NUDT16: variants seen among roughly 807,000 people sequenced by gnomAD.
The protein encoded by NUDT16 is U8 snoRNA-decapping enzyme.
In NUDT16, 12 loss-of-function variants were observed where a neutral mutation model predicts 11.7. That is an observed-to-expected ratio of 1.03 (90% confidence interval 0.66 to 1.67). The LOEUF is 1.67. Ranked by LOEUF, NUDT16 falls within the 40% of genes most tolerant of loss-of-function variation. The pLI is 0.00. For missense variants in NUDT16, 303 were observed against 268.9 expected (o/e 1.13, Z -0.89); for synonymous variants, 129 against 122.6 (o/e 1.05, Z -0.35).
chr3:131,381,832 G>C lies in NUDT16; in HGVS notation c.28G>C (p.Gly10Arg), dbSNP rs1194293325. Residue 10 changes from glycine (G) to arginine (R), a missense_variant, in exon 1 of 3, where the codon GGC (glycine) becomes CGC (arginine). Gly to Arg is a moderately radical substitution (Grantham distance 125, BLOSUM62 -2). Transcript: ENST00000521288. MAGARRLEL[G>R]EALALGSGWR... ...GGCCGGAGCCCGCAGGCTGGAGCTA[G>C]GCGAGGCCCTGGCGCTGGGGTCGGG... is the stretch of plus-strand genomic sequence containing the variant. 1 of 1,583,284 alleles carries C rather than the reference G, an allele frequency of 6.3e-7. No homozygotes were observed. Among genetic ancestry groups the C allele is most frequent in the Non-Finnish European group, 8.5e-7 (1 of 1,171,142 alleles).
At position 131,382,370 on chromosome 3, in the gene NUDT16, T is replaced by C. The variant is rs180750001; in HGVS notation, c.408+55T>C. 88 of 1,606,776 alleles carry C rather than the reference T, an allele frequency of 5.5e-5. No homozygotes were observed. The highest frequency in any genetic ancestry group is 7.1e-5 in the Non-Finnish European group (84 of 1,178,368). ...CCCAATTTCCTCTTCTCCCAAAGCTTTCTCTCCCCCAAGAAAGCATCCCTG... is the reference window on the plus strand; with the variant it reads ...CCCAATTTCCTCTTCTCCCAAAGCTCTCTCTCCCCCAAGAAAGCATCCCTG... On this transcript the variant is annotated intron_variant, in intron 2 of 2. Coordinates refer to ENST00000521288, the MANE Select transcript of NUDT16 (RefSeq NM_152395.3).
chr3:131,387,055 A>G lies in NUDT16; in HGVS notation c.*3714A>G, dbSNP rs1027291388. ...TGTAAACAAATCATTAGATGGCATC[A>G]GAATTTGAACCAAAGTAAAAGATGC... On this transcript the variant is annotated 3_prime_UTR_variant, in exon 3 of 3. Transcript: ENST00000521288. 27 of 152,388 alleles carry G rather than the reference A, an allele frequency of 1.8e-4. No homozygotes were observed. Among genetic ancestry groups the G allele is most frequent in the African/African-American group, 5.8e-4 (24 of 41,594 alleles). 9.4% of individuals were successfully genotyped at this position (152,388 alleles called of 1,614,324 possible).
rs565621711 is a variant in NUDT16 at position 131,382,380 on chromosome 3, C to A, written c.408+65C>A. Reference sequence around the variant, plus strand: ...TCTTCTCCCAAAGCTTTCTCTCCCCCAAGAAAGCATCCCTGGAGAAAAGTC... The same window carrying A: ...TCTTCTCCCAAAGCTTTCTCTCCCCAAAGAAAGCATCCCTGGAGAAAAGTC... On this transcript the variant is annotated intron_variant, in intron 2 of 2. Transcript: ENST00000521288. 144 of 1,600,026 alleles carry A rather than the reference C, an allele frequency of 9.0e-5. No individual in the cohort carries two copies. In the African/African-American group the frequency reaches 1.8e-3, roughly 20 times the overall value.
rs1449844810 is a variant in NUDT16, at chr3:131,383,852, G to C, written c.*511G>C. ...CCCTGTGCTTTCTGAAAATAGACTT[G>C]CTCTTGTCTTGAGTGGTGACCAAAG... On this transcript the variant is annotated 3_prime_UTR_variant, in exon 3 of 3. Coordinates refer to ENST00000521288, the MANE Select transcript of NUDT16 (RefSeq NM_152395.3). This position sits in a 1 kb window ranked among gnomAD's most constrained non-coding sequence, Gnocchi z 4.4. 1 of 194,366 alleles carries C rather than the reference G, an allele frequency of 5.1e-6. No homozygotes were observed. The highest frequency in any genetic ancestry group is 1.1e-5 in the Non-Finnish European group (1 of 93,626). 12.0% of individuals were successfully genotyped at this position (194,366 alleles called of 1,614,324 possible).
upstream of NUDT16, chr3:131,381,676 C>A (rs1688297624): frequency 1.9e-6 from 2 of 1,057,250 alleles, no homozygotes; most frequent in African/African-American, 3.3e-5. Context: ...CCCCCAGGCG[C>A]CTAGGTTCCT....
At position 131,387,015 on chromosome 3, in the gene NUDT16, G is replaced by C. The variant is rs2097460326; in HGVS notation, c.*3674G>C. On this transcript the variant is annotated 3_prime_UTR_variant, in exon 3 of 3. Coordinates refer to ENST00000521288, the MANE Select transcript of NUDT16 (RefSeq NM_152395.3). ...CGGGTGTCAGAGAGTCAAAACTAGA[G>C]GAAAAAGTTTAGTCTGTAAACAAAT... 2 of 152,200 alleles carry C rather than the reference G, an allele frequency of 1.3e-5. No homozygotes were observed. Among genetic ancestry groups the C allele is most frequent in the Admixed American group, 6.5e-5 (1 of 15,284 alleles). 9.4% of individuals were successfully genotyped at this position (152,200 alleles called of 1,614,324 possible). A position where few individuals can be genotyped will look rare whatever the true frequency, so the allele number is the denominator to read the frequency against.
chr3:131,382,372 C>A (rs781041788), intron 2 of NUDT16, 57 bp downstream of exon 2: 15 of 1,605,498 alleles, frequency 9.3e-6, no homozygotes, highest in Middle Eastern at 1.6e-4. Context: ...CCAAAGCTTT[C>A]TCTCCCCCAA....
Position 131,383,146 on chromosome 3 carries a change from C to T in NUDT16, c.409-16C>T, listed in dbSNP as rs768128666. 1 of 1,608,440 alleles carries T rather than the reference C, an allele frequency of 6.2e-7. No homozygotes were observed. The highest frequency in any genetic ancestry group is 1.1e-5 in the South Asian group (1 of 90,748). On this transcript the variant is annotated splice_polypyrimidine_tract_variant and intron_variant, in intron 2 of 2. Transcript: ENST00000521288. This position sits in a 1 kb window ranked among gnomAD's most constrained non-coding sequence, Gnocchi z 4.4. ...CACCTGGGGCCCTAGTGTCTCCTGT[C>T]TCCTTCCTTTTACAGGTGCTGGGCC...
chr3:131,381,792 G>T lies in NUDT16; in HGVS notation c.-13G>T. 1.3e-6 allele frequency: 2 copies of T among 1,542,626 alleles called. No individual in the cohort carries two copies. Among genetic ancestry groups the T allele is most frequent in the African/African-American group, 2.7e-5 (2 of 73,418 alleles). ...ATTGGGCCTTCGGGACAGCAGAGGA[G>T]CAGTGTCCGGCCATGGCCGGAGCCC... On this transcript the variant is annotated 5_prime_UTR_variant, in exon 1 of 3. Coordinates refer to ENST00000521288, the MANE Select transcript of NUDT16 (RefSeq NM_152395.3).
chr3:131,388,737 C>T lies in NUDT16; in HGVS notation c.*5396C>T, dbSNP rs959494754. On this transcript the variant is annotated 3_prime_UTR_variant, in exon 3 of 3. Coordinates refer to ENST00000521288, the MANE Select transcript of NUDT16 (RefSeq NM_152395.3). ...GTGCTAAGTACTGTGTTAATGATGG[C>T]TATCAAACAATATGTTAACATCTGA... 1.3e-5 allele frequency: 2 copies of T among 151,858 alleles called. No individual in the cohort carries two copies. 9.4% of individuals were successfully genotyped at this position (151,858 alleles called of 1,614,324 possible).
Position 131,383,778 on chromosome 3 carries a change from AG to A in NUDT16, c.*440del, listed in dbSNP as rs1192822415. 4 of 337,590 alleles carry A rather than the reference AG, an allele frequency of 1.2e-5. No homozygotes were observed. Among genetic ancestry groups the A allele is most frequent in the Non-Finnish European group, 2.2e-5 (4 of 179,708 alleles). 20.9% of individuals were successfully genotyped at this position (337,590 alleles called of 1,614,324 possible). ...CCACACTCCTCCATGGTTGCCCTCC[AG>A]GGTCTAGCCCAGCCTATTTGTTAGG... is the stretch of plus-strand genomic sequence containing the variant. On this transcript the variant is annotated 3_prime_UTR_variant, in exon 3 of 3. Transcript: ENST00000521288. The surrounding 1 kb of genome is among the most constrained non-coding windows in gnomAD (Gnocchi z 4.4).
Position 131,381,880 on chromosome 3 carries a change from C to T in NUDT16, c.76C>T (p.Leu26Phe), listed in dbSNP as rs773559714. The change falls in exon 1 of 3, where the codon CTC becomes TTC. Residue 26 changes from leucine to phenylalanine, a missense_variant. Leu to Phe is a conservative substitution (Grantham distance 22). Coordinates refer to ENST00000521288, the MANE Select transcript of NUDT16 (RefSeq NM_152395.3). ...GGGCTGGCGTCATGCGTGCCACGCT[C>T]TCCTCTACGCGCCGGACCCTGGGAT... ...GSGWRHACHA[L>F]LYAPDPGMLF... The T allele has an allele frequency of 1.2e-6, 2 of 1,608,798 alleles. No individual in the cohort carries two copies. Among genetic ancestry groups the T allele is most frequent in the Non-Finnish European group, 1.7e-6 (2 of 1,179,580 alleles).
rs537361028 is a variant in NUDT16, at chr3:131,382,729, G to T, written c.408+414G>T. 87 of 1,390,468 alleles carry T rather than the reference G, an allele frequency of 6.3e-5. 1 individual carries two copies. In the South Asian group the frequency reaches 1.3e-3, roughly 20 times the overall value. 86.1% of individuals were successfully genotyped at this position (1,390,468 alleles called of 1,614,324 possible). On this transcript the variant is annotated intron_variant, in intron 2 of 2. Coordinates refer to ENST00000521288, the MANE Select transcript of NUDT16 (RefSeq NM_152395.3). ...GTATGAAGGTGGTTCTCAAAATTTGGCAGGTAGCAGAATCATCGGGGCGTC... is the reference window on the plus strand; with the variant it reads ...GTATGAAGGTGGTTCTCAAAATTTGTCAGGTAGCAGAATCATCGGGGCGTC...
rs2097461533 is a variant in NUDT16, at chr3:131,388,740, T to C, written c.*5399T>C. 1.3e-5 allele frequency: 2 copies of C among 151,998 alleles called. No homozygotes were observed. Among genetic ancestry groups the C allele is most frequent in the Admixed American group, 1.3e-4 (2 of 15,272 alleles). The allele number at this position is 151,998 out of a possible 1,614,324, so 9.4% of individuals were successfully genotyped here. ...CTAAGTACTGTGTTAATGATGGCTA[T>C]CAAACAATATGTTAACATCTGAAAG... On this transcript the variant is annotated 3_prime_UTR_variant, in exon 3 of 3. Transcript: ENST00000521288.
At position 131,383,491 on chromosome 3, in the gene NUDT16, A is replaced by G. The variant is rs767616166; in HGVS notation, c.*150A>G. The G allele has an allele frequency of 2.3e-5, 34 of 1,502,748 alleles. No individual in the cohort carries two copies. Among genetic ancestry groups the G allele is most frequent in the Non-Finnish European group, 2.8e-5 (32 of 1,126,172 alleles). The allele number at this position is 1,502,748 out of a possible 1,614,324, so 93.1% of individuals were successfully genotyped here. On this transcript the variant is annotated 3_prime_UTR_variant, in exon 3 of 3. Coordinates refer to ENST00000521288, the MANE Select transcript of NUDT16 (RefSeq NM_152395.3). This position sits in a 1 kb window ranked among gnomAD's most constrained non-coding sequence, Gnocchi z 4.4. ...GGAGAAGTGTGTACCATATGTTTTG[A>G]GCAGAGGACCCTCCAACTTATGGCA...
In NUDT16 at chr3:131,382,212, C is replaced by T. The variant is rs772002149; in HGVS notation, c.305C>T (p.Ser102Leu). 1 of 1,610,382 alleles carries T rather than the reference C, an allele frequency of 6.2e-7. No homozygotes were observed. The highest frequency in any genetic ancestry group is 2.2e-5 in the East Asian group (1 of 44,810). ...RTDYRSSHVG[S>L]GPRVVAHFYA... ...GACTACCGCAGCTCCCACGTCGGGTCAGGGCCACGCGTTGTGGCCCACTTC... is the reference window on the plus strand; with the variant it reads ...GACTACCGCAGCTCCCACGTCGGGTTAGGGCCACGCGTTGTGGCCCACTTC... The change falls in exon 2 of 3, where the codon TCA becomes TTA. Residue 102 changes from serine to leucine, a missense_variant. Ser to Leu is a moderately radical substitution (Grantham distance 145). Coordinates refer to ENST00000521288, the MANE Select transcript of NUDT16 (RefSeq NM_152395.3).
Position 131,383,173 on chromosome 3 carries a change from G to A in NUDT16, c.420G>A (p.Leu140=). The A allele has an allele frequency of 6.2e-7, 1 of 1,612,376 alleles. No individual in the cohort carries two copies. The highest frequency in any genetic ancestry group is 8.5e-7 in the Non-Finnish European group (1 of 1,179,670). ...CCTTCCTTTTACAGGTGCTGGGCCTGGTGCGAGTGCCCCTGTATACCCTGC... is the reference window on the plus strand; with the variant it reads ...CCTTCCTTTTACAGGTGCTGGGCCTAGTGCGAGTGCCCCTGTATACCCTGC... ...AKDHGLEVLG[L]VRVPLYTLRD... is the part of the protein sequence containing the mutation. The change falls in exon 3 of 3, where the codon CTG becomes CTA. Residue 140 remains leucine, a synonymous_variant. Coordinates refer to ENST00000521288, the MANE Select transcript of NUDT16 (RefSeq NM_152395.3). The surrounding 1 kb of genome is among the most constrained non-coding windows in gnomAD (Gnocchi z 4.4).
Position 131,383,215 on chromosome 3 carries a change from C to G in NUDT16, c.462C>G (p.Gly154=). 6.2e-7 allele frequency: 1 copy of G among 1,613,864 alleles called. No homozygotes were observed. Among genetic ancestry groups the G allele is most frequent in the Non-Finnish European group, 8.5e-7 (1 of 1,180,024 alleles). Residue 154 remains glycine, a synonymous_variant, in exon 3 of 3, where the codon GGC becomes GGG. Transcript: ENST00000521288. The surrounding 1 kb of genome is among the most constrained non-coding windows in gnomAD (Gnocchi z 4.4). ...ATACCCTGCGGGATGGTGTAGGAGG[C>G]CTGCCTACCTTCCTGGAGAATTCCT... ...PLYTLRDGVG[G]LPTFLENSFI... is the part of the protein sequence containing the mutation.
At chr3:131,382,805 G>C in intron 2 of NUDT16, 1 of 990,432 alleles carries the variant, frequency 1.0e-6, no homozygotes, top group South Asian at 2.2e-5. Context: ...GGTGGGGCGG[G>C]GGGAGAGGAA....
Sources: allele counts gnomAD v4.1 joint callset, GRCh38; gene constraint gnomAD v4.1.1; non-coding constraint Gnocchi (gnomAD v3.1); transcripts MANE v1.5; gene names NCBI Gene and HGNC (gene_info 2026-07-23, HGNC 2026-07-21).